The following CD300C variants were observed in gnomAD, a reference collection of about 807,000 sequenced individuals.
CD300C encodes the protein CMRF35-like molecule 6.
A neutral mutation model predicts 18.4 loss-of-function variants in CD300C; 11 were observed. That is an observed-to-expected ratio of 0.60 (90% CI 0.38 to 0.99). The LOEUF (loss-of-function observed/expected upper bound fraction) is 0.99, where lower values mean the gene tolerates loss of function less well. Among genes scored for constraint, CD300C ranks in the 50% least tolerant of loss-of-function variants. The pLI, the probability that CD300C is intolerant of heterozygous loss-of-function variation, is 0.01. For missense variants in CD300C, 277 were observed against 287.4 expected, an observed-to-expected ratio of 0.96 and a Z score of 0.26; for synonymous variants, 116 against 116.3, an observed-to-expected ratio of 1.00 and a Z score of 0.02.
At chr17:74,544,458 C>A in intron 2 of CD300C, 151 bp downstream of exon 2, 1 of 757,194 alleles carries the variant, frequency 1.3e-6, no homozygotes, top group Non-Finnish European at 2.1e-6. Context: ...TACACAAAGA[C>A]GCACTCACAC....
chr17:74,541,724 G>A lies in CD300C; in HGVS notation c.540C>T (p.Ser180=), dbSNP rs367749189. The A allele has an allele frequency of 1.1e-5, 17 of 1,613,368 alleles. No individual in the cohort carries two copies. Among genetic ancestry groups the A allele is most frequent in the South Asian group, 2.2e-5 (2 of 91,024 alleles). ...EPSPHPGSLF[S]NVRFLLLVLL... ...GGACCAGGAGCAGGAAGCGGACATT[G>A]CTGAACAGGGAGCTGTGGGGACACG... The change falls in exon 4 of 4, where the codon AGC becomes AGT. Residue 180 remains serine, a synonymous_variant. Coordinates refer to ENST00000330793, the MANE Select transcript of CD300C (RefSeq NM_006678.5).
In CD300C at chr17:74,543,841, C is replaced by T. The variant is rs1056689365; in HGVS notation, c.400+768G>A. ...CGGCACGGGAAAGGGCCCTCAGGTCCGTGCCAGTCTCAGCTCATTTCCATC... is the reference window on the plus strand; with the variant it reads ...CGGCACGGGAAAGGGCCCTCAGGTCTGTGCCAGTCTCAGCTCATTTCCATC... On this transcript the variant is annotated intron_variant, in intron 2 of 3. Coordinates refer to ENST00000330793, the MANE Select transcript of CD300C (RefSeq NM_006678.5). Among the ~76,000 whole-genome samples the T allele has an allele frequency of 2.0e-5, 3 of 152,186 alleles. No individual in the cohort carries two copies. In the South Asian group the frequency reaches 6.2e-4, roughly 31 times the overall value.
chr17:74,545,561 C>A (rs1215253704), intron 1 of CD300C, among the ~76,000 whole-genome samples, 161 bp downstream of exon 1: 1 of 152,168 alleles, frequency 6.6e-6, no homozygotes, highest in Non-Finnish European at 1.5e-5. Context: ...CGCCTGCTGT[C>A]CCCTGGTGAG....
chr17:74,543,948 G>C (rs1351556709), intron 2 of CD300C, among the ~76,000 whole-genome samples: 1 of 152,160 alleles, frequency 6.6e-6, no homozygotes, highest in African/African-American at 2.4e-5. Context: ...GGGACACACA[G>C]GTCAGCCTCA....
In CD300C at chr17:74,542,877, G is replaced by A. The variant is rs1434973065; in HGVS notation, c.511C>T (p.Pro171Ser). Reference protein sequence around the residue: ...PSVTRKDSPEPSPHPGSLFSN... With the variant: ...PSVTRKDSPESSPHPGSLFSN... ...GCACCTTACCCAGGGTGTGGGCTGGGTTCGGGGCTGTCCTTTCTGGTCACG... is the reference window on the plus strand; with the variant it reads ...GCACCTTACCCAGGGTGTGGGCTGGATTCGGGGCTGTCCTTTCTGGTCACG... The change falls in exon 3 of 4, where the codon CCC becomes TCC. Residue 171 changes from proline to serine, a missense_variant. Physicochemically the swap from Pro to Ser is moderately conservative, Grantham distance 74 (BLOSUM62 -1). Transcript: ENST00000330793. The A allele has an allele frequency of 2.5e-6, 4 of 1,608,162 alleles. No homozygotes were observed.
chr17:74,541,665 C>G lies in CD300C; in HGVS notation c.599G>C (p.Gly200Ala), dbSNP rs771914252. ...AGGTCTGTTCACCCAGAGGACGGCA[C>G]CCAGCATGCTCAGGAGCAGGGGCAG... ...LELPLLLSML[G>A]AVLWVNRPQR... The change falls in exon 4 of 4, where the codon GGT becomes GCT. Residue 200 changes from glycine (G) to alanine (A), a missense_variant. Gly to Ala is a moderately conservative substitution (Grantham distance 60, BLOSUM62 0). Coordinates refer to ENST00000330793, the MANE Select transcript of CD300C (RefSeq NM_006678.5). 2 of 1,613,874 alleles carry G rather than the reference C, an allele frequency of 1.2e-6. No individual in the cohort carries two copies. Among genetic ancestry groups the G allele is most frequent in the African/African-American group, 2.7e-5 (2 of 74,902 alleles).
Position 74,545,887 on chromosome 17 carries a change from C to A in CD300C, c.-105G>T. ...GCTTCGCTTCTGCTTTTCTTCTGCT[C>A]TCTGCTTCCTTGTCCAGCCCTGTCT... On this transcript the variant is annotated 5_prime_UTR_variant, in exon 1 of 4. Transcript: ENST00000330793. 2 of 955,176 alleles carry A rather than the reference C, an allele frequency of 2.1e-6. No individual in the cohort carries two copies. Among genetic ancestry groups the A allele is most frequent in the Non-Finnish European group, 3.2e-6 (2 of 619,858 alleles). 59.2% of individuals were successfully genotyped at this position (955,176 alleles called of 1,614,324 possible). A position where few individuals can be genotyped will look rare whatever the true frequency, so the allele number is the denominator to read the frequency against.
downstream of CD300C, among the ~76,000 whole-genome samples, chr17:74,537,609 A>G (rs1257960931): frequency 6.7e-6 from 1 of 148,588 alleles, no homozygotes; most frequent in Non-Finnish European, 1.5e-5. Flanking sequence ...AGCCTGGGTG[A>G]AAGAGTGAGA....
chr17:74,542,212 A>G (rs930566412), intron 3 of CD300C, among the ~76,000 whole-genome samples: 7 of 148,666 alleles, frequency 4.7e-5, no homozygotes, highest in African/African-American at 9.9e-5. Flanking sequence ...TGAAGGAATT[A>G]ATGAATGGAC....
chr17:74,535,952 G>A, the CD300C span, among the ~76,000 whole-genome samples: 7 of 152,144 alleles, frequency 4.6e-5, no homozygotes, highest in Non-Finnish European at 7.4e-5. Flanking sequence ...ACCTGCCAGG[G>A]GTTGCATTGC....
intron 2 of CD300C, among the ~76,000 whole-genome samples, chr17:74,543,599 T>G (rs1908638005): frequency 6.6e-6 from 1 of 152,144 alleles, no homozygotes; most frequent in Admixed American, 6.5e-5. Flanking sequence ...CTCCTCTCCC[T>G]GGCGCCCTCA....
chr17:74,544,002 G>T (rs1189790908), intron 2 of CD300C, among the ~76,000 whole-genome samples: 1 of 151,978 alleles, frequency 6.6e-6, no homozygotes, highest in East Asian at 1.9e-4. Context: ...CCCACCCAGG[G>T]CTCTGGGGCT....
the CD300C span, among the ~76,000 whole-genome samples, chr17:74,535,890 T>C: frequency 6.6e-6 from 1 of 152,122 alleles, no homozygotes; most frequent in Non-Finnish European, 1.5e-5. Context: ...ATTAGGCAAA[T>C]TCAACATAAT....
intron 1 of CD300C, among the ~76,000 whole-genome samples, chr17:74,545,362 CTGTGTGTGCA>C (rs1240409779): frequency 6.7e-6 from 1 of 149,984 alleles, no homozygotes; most frequent in Non-Finnish European, 1.5e-5. Context: ...GTGAGTGTGA[CTGTGTGTGCA>C]TGTGTGTGAG....
intron 2 of CD300C, 82 bp from the exon 3 acceptor site, chr17:74,543,069 A>T: frequency 6.4e-7 from 1 of 1,561,944 alleles, no homozygotes; most frequent in Non-Finnish European, 8.7e-7. Context: ...CAATTTTCAC[A>T]GACAAGGTCA....
chr17:74,543,207 G>T (rs535592266), intron 2 of CD300C, among the ~76,000 whole-genome samples: 8 of 152,250 alleles, frequency 5.3e-5, no homozygotes, highest in African/African-American at 1.7e-4. Context: ...CATTTCAGAT[G>T]TGAGAGCTGC....
At chr17:74,537,159 C>T (rs144498489), downstream of CD300C, among the ~76,000 whole-genome samples, 612 of 149,020 alleles carry the variant, frequency 4.1e-3, 6 homozygotes, top group East Asian at 0.01. Context: ...AAGGGGAAGA[C>T]GAGAGAGAAA....
At chr17:74,537,174 A>G (rs1469603005), downstream of CD300C, among the ~76,000 whole-genome samples, 5 of 152,122 alleles carry the variant, frequency 3.3e-5, no homozygotes, top group Non-Finnish European at 7.4e-5. Context: ...GAGAAAGGAT[A>G]GAGAAAGAGA....
downstream of CD300C, among the ~76,000 whole-genome samples, chr17:74,539,972 T>C (rs938034032): frequency 1.3e-5 from 2 of 152,248 alleles, no homozygotes. Flanking sequence ...GTTGAATGAA[T>C]GAATGAATGC....
Sources: gnomAD v4.1 joint callset for allele counts (sites outside exome capture counted in the v4.1 genomes callset) on GRCh38, gnomAD v4.1.1 for gene constraint, MANE v1.5 for transcripts, NCBI Gene and HGNC (gene_info 2026-07-23, HGNC 2026-07-21) for gene names.